The following CTXN2 variants were observed in gnomAD, a reference collection of about 807,000 sequenced individuals.
The protein encoded by CTXN2 is cortexin 2, also known as cortexin-2.
Under a neutral mutation model 5.7 loss-of-function variants are expected in CTXN2, and 3 were observed. That is an observed-to-expected ratio of 0.53 (90% CI 0.24 to 1.36). The LOEUF (loss-of-function observed/expected upper bound fraction) is 1.36, where lower values mean the gene tolerates loss of function less well. Ranked by LOEUF, CTXN2 falls within the 40% of genes most tolerant of loss-of-function variation. The pLI is 0.17. For synonymous variants in CTXN2, 38 were observed against 36.4 expected (o/e 1.04, Z -0.16); for missense variants, 87 against 93.0 (o/e 0.94, Z 0.26).
In CTXN2 at chr15:48,201,820, G is replaced by T. The variant is rs2040931927; in HGVS notation, c.*274G>T. 1.2e-5 allele frequency: 5 copies of T among 405,796 alleles called. No homozygotes were observed. The allele number at this position is 405,796 out of a possible 1,614,324, so 25.1% of individuals were successfully genotyped here. Reference sequence around the variant, plus strand: ...TATTCTTATCTTGAACAACTGCCTTGAATTTCTGCTTCCTTTCTTGTGCTA... The same window carrying T: ...TATTCTTATCTTGAACAACTGCCTTTAATTTCTGCTTCCTTTCTTGTGCTA... On this transcript the variant is annotated 3_prime_UTR_variant, in exon 2 of 2. Transcript: ENST00000417307.
upstream of CTXN2, among the ~76,000 whole-genome samples, chr15:48,187,205 C>A (rs2040766080): frequency 6.8e-6 from 1 of 147,700 alleles, no homozygotes; most frequent in African/African-American, 2.5e-5. Flanking sequence ...ACAAAAAAGA[C>A]ATGGGTAGAT....
upstream of CTXN2, among the ~76,000 whole-genome samples, chr15:48,188,174 A>G (rs2040777253): frequency 6.6e-6 from 1 of 152,112 alleles, no homozygotes; most frequent in Non-Finnish European, 1.5e-5. Context: ...AATTAAAAGA[A>G]AATAATATTA....
chr15:48,192,565 A>G (rs1021201001), intron 1 of CTXN2: 1 of 152,020 alleles, frequency 6.6e-6, no homozygotes, highest in Non-Finnish European at 1.5e-5. Flanking sequence ...TATAATCTTT[A>G]TATTTTGTGT....
chr15:48,201,474 C>T lies in CTXN2; in HGVS notation c.174C>T (p.Ser58=), dbSNP rs2040928971. ...AAATCCTGCTAGACCCATATAGTAG[C>T]ATGCCTTCCTCTACATGGGAAGATG... ...CFKILLDPYS[S]MPSSTWEDEV... Residue 58 remains serine, a synonymous_variant, in exon 2 of 2, where the codon AGC becomes AGT. Transcript: ENST00000417307. 1 of 1,551,072 alleles carries T rather than the reference C, an allele frequency of 6.4e-7. No individual in the cohort carries two copies. Among genetic ancestry groups the T allele is most frequent in the Non-Finnish European group, 8.7e-7 (1 of 1,146,448 alleles).
At chr15:48,185,757 A>G (rs1464139047) in intron 1 of CTXN2, among the ~76,000 whole-genome samples, 1 of 152,156 alleles carries the variant, frequency 6.6e-6, no homozygotes, top group Admixed American at 6.5e-5. Flanking sequence ...TTCAAGACAG[A>G]TCGTATGGTG....
At chr15:48,200,731 A>C (rs2040921466) in intron 1 of CTXN2, among the ~76,000 whole-genome samples, 1 of 152,198 alleles carries the variant, frequency 6.6e-6, no homozygotes, top group Non-Finnish European at 1.5e-5. Context: ...CATACATATA[A>C]AACCTAAGGG....
At chr15:48,201,058 T>G (rs536456252) in intron 1 of CTXN2, among the ~76,000 whole-genome samples, 186 bp from the exon 2 acceptor site, 2 of 152,330 alleles carry the variant, frequency 1.3e-5, no homozygotes, top group Non-Finnish European at 2.9e-5. Context: ...AGGAAATTCT[T>G]TAATTACAAC....
In CTXN2 at chr15:48,201,805, T is replaced by C; in HGVS notation, c.*259T>C. The stretch of plus-strand genomic sequence containing the variant: ...CATGTTTACCATCTTTATTCTTATC[T>C]TGAACAACTGCCTTGAATTTCTGCT... On this transcript the variant is annotated 3_prime_UTR_variant, in exon 2 of 2. Transcript: ENST00000417307. 2.3e-6 allele frequency: 1 copy of C among 443,040 alleles called. No individual in the cohort carries two copies. 27.4% of individuals were successfully genotyped at this position (443,040 alleles called of 1,614,324 possible). A position where few individuals can be genotyped will look rare whatever the true frequency, so the allele number is the denominator to read the frequency against.
intron 1 of CTXN2, among the ~76,000 whole-genome samples, chr15:48,199,430 A>G (rs2040909906): frequency 6.6e-6 from 1 of 152,162 alleles, no homozygotes; most frequent in African/African-American, 2.4e-5. Flanking sequence ...CCCCTGAAAT[A>G]TCCACATGTT....
rs941074023 is a variant in CTXN2, at chr15:48,202,967, C to A, written c.*1421C>A. On this transcript the variant is annotated 3_prime_UTR_variant, in exon 2 of 2. Coordinates refer to ENST00000417307, the MANE Select transcript of CTXN2 (RefSeq NM_001145668.2). ...CATGAAGGAACAAGACTAATATTAC[C>A]AAGAGGTAGCACTAAGTTAGTTACT... 17 of 166,288 alleles carry A rather than the reference C, an allele frequency of 1.0e-4. No individual in the cohort carries two copies. Among genetic ancestry groups the A allele is most frequent in the Non-Finnish European group, 2.1e-4 (14 of 68,104 alleles). The allele number at this position is 166,288 out of a possible 1,614,324, so 10.3% of individuals were successfully genotyped here. A position where few individuals can be genotyped will look rare whatever the true frequency, so the allele number is the denominator to read the frequency against.
chr15:48,180,040 G>A (rs2040684378), intron 1 of CTXN2, among the ~76,000 whole-genome samples: 1 of 151,878 alleles, frequency 6.6e-6, no homozygotes, highest in Non-Finnish European at 1.5e-5. Context: ...GTTGGGAGAG[G>A]GCTAATGTAA....
intron 1 of CTXN2, among the ~76,000 whole-genome samples, chr15:48,185,612 A>G (rs1177903785): frequency 6.6e-6 from 1 of 152,250 alleles, no homozygotes; most frequent in African/African-American, 2.4e-5. Context: ...AAGTTACGAC[A>G]TATATTTCAA....
At chr15:48,200,223 G>A (rs1026975890) in intron 1 of CTXN2, among the ~76,000 whole-genome samples, 1 of 152,120 alleles carries the variant, frequency 6.6e-6, no homozygotes, top group African/African-American at 2.4e-5. Context: ...ATTATTCGCA[G>A]TTATTGGATG....
chr15:48,179,549 G>T (rs2040673192), intron 1 of CTXN2, among the ~76,000 whole-genome samples: 2 of 152,080 alleles, frequency 1.3e-5, no homozygotes, highest in Admixed American at 6.5e-5. Context: ...CGCAGAAAGG[G>T]CATTCAATTG....
Position 48,201,548 on chromosome 15 carries a change from A to G in CTXN2, c.*2A>G. 6.4e-7 allele frequency: 1 copy of G among 1,550,822 alleles called. No homozygotes were observed. The highest frequency in any genetic ancestry group is 1.7e-4 in the Middle Eastern group (1 of 5,978). On this transcript the variant is annotated 3_prime_UTR_variant, in exon 2 of 2. Transcript: ENST00000417307. Reference sequence around the variant, plus strand: ...ACATTTGAATATGCACTCGCGTGAGAGTTCCAGCTATATGGTTTTTATGGT... The same window carrying G: ...ACATTTGAATATGCACTCGCGTGAGGGTTCCAGCTATATGGTTTTTATGGT...
intron 1 of CTXN2, chr15:48,192,291 C>G (rs1476366044): frequency 6.3e-6 from 1 of 158,636 alleles, no homozygotes. Flanking sequence ...GATTGAGTGT[C>G]AGAGTCCTTG....
At chr15:48,181,160 T>C (rs1367296891) in intron 1 of CTXN2, among the ~76,000 whole-genome samples, 2 of 152,234 alleles carry the variant, frequency 1.3e-5, no homozygotes, top group East Asian at 3.8e-4. Context: ...GAAATAATAG[T>C]GTCTTAAGCA....
At chr15:48,196,472 A>T (rs1028213555) in intron 1 of CTXN2, among the ~76,000 whole-genome samples, 1 of 152,092 alleles carries the variant, frequency 6.6e-6, no homozygotes, top group Non-Finnish European at 1.5e-5. Flanking sequence ...GTAATACCAC[A>T]CTGGAGACCC....
At chr15:48,193,368 CTG>C (rs1234875651) in intron 1 of CTXN2, among the ~76,000 whole-genome samples, 4 of 143,696 alleles carry the variant, frequency 2.8e-5, no homozygotes, top group Non-Finnish European at 6.2e-5. Flanking sequence ...GATATTTAAA[CTG>C]TGCATTGTTT....
Sources: gnomAD v4.1 joint callset for allele counts (sites outside exome capture counted in the v4.1 genomes callset) on GRCh38, gnomAD v4.1.1 for gene constraint, MANE v1.5 for transcripts, NCBI Gene and HGNC (gene_info 2026-07-23, HGNC 2026-07-21) for gene names.